Variants in TAFA2 observed in about 807,000 individuals in gnomAD.
TAFA2 encodes TAFA chemokine like family member 2.
In TAFA2, 7 loss-of-function variants were observed where a neutral mutation model predicts 18.8. That is an observed-to-expected ratio of 0.37 (90% CI 0.21 to 0.70). The LOEUF is 0.70. Ranked by LOEUF, TAFA2 falls within the 30% of genes least tolerant of loss-of-function variation. The probability of loss-of-function intolerance (pLI) is 0.53; values close to 1 mark genes in which losing one functional copy is unlikely to be tolerated. For synonymous variants in TAFA2, 60 were observed against 54.2 expected, an observed-to-expected ratio of 1.11 and a Z score of -0.47; for missense variants, 122 against 158.1, an observed-to-expected ratio of 0.77 and a Z score of 1.23.
chr12:61,823,024 ACT>A (rs1330339140), intron 2 of TAFA2, among the ~76,000 whole-genome samples: 3 of 151,758 alleles, frequency 2.0e-5, no homozygotes, highest in African/African-American at 7.3e-5. Context: ...CATAGGAAAT[ACT>A]CTTTTAGTTA....
chr12:61,985,479 G>C (rs907595767), intron 1 of TAFA2, among the ~76,000 whole-genome samples: 2 of 152,116 alleles, frequency 1.3e-5, no homozygotes, highest in Non-Finnish European at 2.9e-5. Flanking sequence ...ATAGTTATTA[G>C]GGAGTAATTT....
chr12:62,157,593 C>A (rs1050238932), intron 1 of TAFA2, among the ~76,000 whole-genome samples: 7 of 152,184 alleles, frequency 4.6e-5, no homozygotes, highest in African/African-American at 1.7e-4. Context: ...CTGAGTCACA[C>A]CAGGTCATTC....
intron 1 of TAFA2, among the ~76,000 whole-genome samples, chr12:62,030,189 T>A (rs1346005217): frequency 6.6e-6 from 1 of 151,912 alleles, no homozygotes; most frequent in Non-Finnish European, 1.5e-5. Flanking sequence ...GTGGTCAGAG[T>A]AGAATGCCTG....
chr12:62,168,305 T>C (rs763624494), intron 1 of TAFA2, among the ~76,000 whole-genome samples: 1 of 152,186 alleles, frequency 6.6e-6, no homozygotes, highest in Non-Finnish European at 1.5e-5. Context: ...TACACAACTA[T>C]ACACCACCAC....
chr12:61,875,196 A>G (rs976789062), intron 1 of TAFA2, among the ~76,000 whole-genome samples: 4 of 152,096 alleles, frequency 2.6e-5, no homozygotes, highest in South Asian at 2.1e-4. Flanking sequence ...TTTCATTCTC[A>G]CGTGCCCTGT....
intron 1 of TAFA2, among the ~76,000 whole-genome samples, chr12:62,112,508 T>C (rs1869779595): frequency 6.6e-6 from 1 of 152,148 alleles, no homozygotes; most frequent in African/African-American, 2.4e-5. Flanking sequence ...GTGTTCTCTG[T>C]ATTTCTAATT....
At chr12:61,867,569 C>T in intron 1 of TAFA2, 143 bp from the exon 2 acceptor site, 1 of 586,830 alleles carries the variant, frequency 1.7e-6, no homozygotes. Context: ...AAATGCTGTT[C>T]ACTGTATACA....
intron 1 of TAFA2, among the ~76,000 whole-genome samples, chr12:62,138,763 C>T (rs2136904469): frequency 6.6e-6 from 1 of 152,304 alleles, no homozygotes; most frequent in South Asian, 2.1e-4. Flanking sequence ...AACCAAAGGG[C>T]TCCTGCATGT....
rs149913293 is a variant in TAFA2, at chr12:62,101,710, A to T, written c.-2+89549T>A. 6.0e-3 allele frequency among the ~76,000 whole-genome samples: 909 copies of T among 152,280 alleles called. 17 individuals carry two copies. Among genetic ancestry groups the T allele is most frequent in the African/African-American group, 0.021 (876 of 41,566 alleles). On this transcript the variant is annotated intron_variant, in intron 1 of 4. Transcript: ENST00000416284. ...CTGGAGTCTATTTGAGAGCCCTTTC[A>T]TTTATCTCAATTTTTACTGTTTACT...
At chr12:61,991,508 C>T (rs572415569) in intron 1 of TAFA2, among the ~76,000 whole-genome samples, 6 of 152,104 alleles carry the variant, frequency 3.9e-5, no homozygotes, top group Non-Finnish European at 7.4e-5. Flanking sequence ...GCTTTTAAAT[C>T]GCTATATTTT....
At chr12:61,740,322 C>T (rs1324972230) in intron 4 of TAFA2, among the ~76,000 whole-genome samples, 3 of 151,804 alleles carry the variant, frequency 2.0e-5, no homozygotes, top group Non-Finnish European at 4.4e-5. Context: ...TATCACACAC[C>T]GGAGCCTGTC....
rs80347518 is a variant in TAFA2 at position 62,125,719 on chromosome 12, T to A, written c.-2+65540A>T. Among the ~76,000 whole-genome samples, 11 of 152,210 alleles carry A rather than the reference T, an allele frequency of 7.2e-5. No homozygotes were observed. The East Asian group carries it at 2.1e-3, about 29-fold the overall frequency. On this transcript the variant is annotated intron_variant, in intron 1 of 4. Coordinates refer to ENST00000416284, the MANE Select transcript of TAFA2 (RefSeq NM_178539.5). ...GTGAGGAGTCGCACAACTTAAGTTG[T>A]TAAAACACAATCTTCAGCGTCGAAC...
intron 2 of TAFA2, among the ~76,000 whole-genome samples, chr12:61,815,556 G>A (rs1019210229): frequency 3.3e-5 from 5 of 150,828 alleles, no homozygotes; most frequent in Non-Finnish European, 4.4e-5. Context: ...TCAGCTACTC[G>A]GGAGGCTGAG....
intron 4 of TAFA2, among the ~76,000 whole-genome samples, chr12:61,744,269 G>T (rs1362940682): frequency 6.6e-6 from 1 of 152,070 alleles, no homozygotes; most frequent in Non-Finnish European, 1.5e-5. Context: ...ACAATTAACT[G>T]TAAGATTATA....
At chr12:61,888,390 T>C (rs1875483068) in intron 1 of TAFA2, among the ~76,000 whole-genome samples, 2 of 152,178 alleles carry the variant, frequency 1.3e-5, no homozygotes, top group South Asian at 4.1e-4. Context: ...TTAGCTCTAG[T>C]CATACTCAGG....
At chr12:61,947,490 A>T (rs11174247) in intron 1 of TAFA2, among the ~76,000 whole-genome samples, 15,476 of 151,758 alleles carry the variant, frequency 0.1, 868 homozygotes, top group East Asian at 0.22. Context: ...AATAAATAAA[A>T]AAGAATTTTG....
In TAFA2 at chr12:62,100,138, TACAC is replaced by T. The variant is rs373455310; in HGVS notation, c.-2+91117_-2+91120del. On this transcript the variant is annotated intron_variant, in intron 1 of 4. Transcript: ENST00000416284. ...GCCTCTTCATAATAGCAACTCCCTC[TACAC>T]ACACACACACACACACACACACACA... Among the ~76,000 whole-genome samples, 507 of 145,692 alleles carry T rather than the reference TACAC, an allele frequency of 3.5e-3. 2 individuals carry two copies. The highest frequency in any genetic ancestry group is 0.017 in the East Asian group (82 of 4,942).
At chr12:62,226,338 C>T (rs1169708004) in intron 1 of TAFA2, among the ~76,000 whole-genome samples, 1 of 152,100 alleles carries the variant, frequency 6.6e-6, no homozygotes. Flanking sequence ...GGACTACAGG[C>T]ACCCGCCACC....
intron 1 of TAFA2, among the ~76,000 whole-genome samples, chr12:62,048,704 TATG>T (rs1253671571): frequency 1.3e-5 from 2 of 152,224 alleles, no homozygotes; most frequent in Non-Finnish European, 2.9e-5. Flanking sequence ...AAATAAGCCT[TATG>T]ATAAGTAAGC....
Sources: gnomAD v4.1 joint callset for allele counts (sites outside exome capture counted in the v4.1 genomes callset) on GRCh38, gnomAD v4.1.1 for gene constraint, MANE v1.5 for transcripts, NCBI Gene and HGNC (gene_info 2026-07-23, HGNC 2026-07-21) for gene names.